Variants in FRMD6 observed in about 807,000 individuals in gnomAD.
The protein encoded by FRMD6 is FERM domain-containing protein 6.
Under a neutral mutation model 73.2 loss-of-function variants are expected in FRMD6, and 37 were observed. The ratio of observed to expected loss-of-function variants is 0.51; its 90% CI spans 0.39 to 0.66. The LOEUF is 0.66. FRMD6 is among the 30% of genes least tolerant of loss of function. FRMD6 has a pLI of 0.00. For synonymous variants in FRMD6, 273 were observed against 282.2 expected (o/e 0.97, Z 0.33); for missense variants, 714 against 780.5 (o/e 0.91, Z 1.02).
intron 1 of FRMD6, among the ~76,000 whole-genome samples, chr14:51,657,448 A>G (rs987316466): frequency 6.6e-6 from 1 of 152,166 alleles, no homozygotes; most frequent in Admixed American, 6.5e-5. Flanking sequence ...CTGTTTTTGG[A>G]CTGCATTTAA....
intron 2 of FRMD6, among the ~76,000 whole-genome samples, chr14:51,571,120 C>G (rs1407435405): frequency 6.6e-6 from 1 of 152,178 alleles, no homozygotes; most frequent in Admixed American, 6.5e-5. Flanking sequence ...TCATGACTAA[C>G]CCCAGCACTT....
intron 1 of FRMD6, among the ~76,000 whole-genome samples, chr14:51,546,989 T>C (rs1886508054): frequency 6.6e-6 from 1 of 151,850 alleles, no homozygotes; most frequent in Non-Finnish European, 1.5e-5. Context: ...CCTGGTATGA[T>C]CTCGGTGCCT....
At chr14:51,505,192 AC>A (rs1203494251) in intron 1 of FRMD6, among the ~76,000 whole-genome samples, 1 of 152,150 alleles carries the variant, frequency 6.6e-6, no homozygotes, top group Non-Finnish European at 1.5e-5. Flanking sequence ...AACTTTTCAC[AC>A]TATTTAGGAA....
chr14:51,640,922 C>T lies in FRMD6; in HGVS notation c.-146-48769C>T, dbSNP rs371188369. ...ATTTTCCATGGTAAGAGCTAATATC[C>T]ACTAACTTCTGGTTAAATTTTGGAG... is the stretch of plus-strand genomic sequence containing the variant. On this transcript the variant is annotated intron_variant, in intron 2 of 14. Coordinates refer to the FRMD6 transcript ENST00000356218. 7.2e-5 allele frequency among the ~76,000 whole-genome samples: 11 copies of T among 152,024 alleles called. No individual in the cohort carries two copies. In the East Asian group the frequency reaches 1.2e-3, roughly 16 times the overall value.
the FRMD6 span, among the ~76,000 whole-genome samples, chr14:51,399,201 C>T: frequency 2.0e-5 from 3 of 152,178 alleles, no homozygotes; most frequent in Non-Finnish European, 4.4e-5. Flanking sequence ...CCTCTTCTGC[C>T]TTCCTTAAAC....
In FRMD6 at chr14:51,698,127, CT is replaced by C. The variant is rs1485699731; in HGVS notation, c.100-10del. On this transcript the variant is annotated splice_polypyrimidine_tract_variant and intron_variant, in intron 2 of 13. Coordinates refer to ENST00000344768, the MANE Select transcript of FRMD6 (RefSeq NM_001267046.2). ...GTTGAATTGTTATTTTACGTCGTGCCTTTTTCCCCTACAGGTTAAGATTCTG... is the reference window on the plus strand; with the variant it reads ...GTTGAATTGTTATTTTACGTCGTGCCTTTTCCCCTACAGGTTAAGATTCTG... The C allele has an allele frequency of 1.9e-5, 31 of 1,601,150 alleles. No homozygotes were observed. Among genetic ancestry groups the C allele is most frequent in the Admixed American group, 3.4e-5 (2 of 59,338 alleles).
intron 1 of FRMD6, among the ~76,000 whole-genome samples, chr14:51,659,055 C>T (rs1893032704): frequency 6.6e-6 from 1 of 152,078 alleles, no homozygotes; most frequent in African/African-American, 2.4e-5. Context: ...TAGCGTAATC[C>T]GTATTGAAGA....
At chr14:51,459,902 T>TTTTTTTTTTTTTTTTTTTTTTG in the FRMD6 span, among the ~76,000 whole-genome samples, 1 of 141,874 alleles carries the variant, frequency 7.0e-6, no homozygotes, top group Admixed American at 7.0e-5. Flanking sequence ...TTTTTTTTTT[T>TTTTTTTTTTTTTTTTTTTTTTG]TTACAAACTT....
At chr14:51,509,380 A>C (rs1884157967) in intron 1 of FRMD6, among the ~76,000 whole-genome samples, 1 of 152,008 alleles carries the variant, frequency 6.6e-6, no homozygotes, top group Non-Finnish European at 1.5e-5. Context: ...AAAAAAATTT[A>C]GCCAGGCGTA....
chr14:51,501,364 T>TC (rs1197962532), intron 1 of FRMD6, among the ~76,000 whole-genome samples: 1 of 152,010 alleles, frequency 6.6e-6, no homozygotes, highest in Non-Finnish European at 1.5e-5. Flanking sequence ...ATGCTCTCCC[T>TC]CCCCCAACCA....
At chr14:51,397,127 G>A in the FRMD6 span, 1 of 152,318 alleles carries the variant, frequency 6.6e-6, no homozygotes, top group African/African-American at 2.4e-5. Flanking sequence ...TGATCTGCAA[G>A]AGGAGACTGG....
intron 1 of FRMD6, among the ~76,000 whole-genome samples, chr14:51,545,117 C>T (rs751454882): frequency 3.9e-5 from 6 of 152,058 alleles, no homozygotes; most frequent in East Asian, 1.9e-4. Context: ...TTTTTGTTAA[C>T]GTGCCCAGAC....
chr14:51,720,444 G>A (rs749960370), intron 11 of FRMD6, 54 bp downstream of exon 11: 3 of 1,548,562 alleles, frequency 1.9e-6, no homozygotes, highest in African/African-American at 2.7e-5. Context: ...GTTTTTTCAA[G>A]CATTGGTTCT....
At chr14:51,555,695 G>A (rs999171599) in intron 1 of FRMD6, among the ~76,000 whole-genome samples, 5 of 151,912 alleles carry the variant, frequency 3.3e-5, no homozygotes, top group Non-Finnish European at 5.9e-5. Flanking sequence ...CCAGCTACTC[G>A]GGAGGCTGAG....
At chr14:51,673,067 G>A (rs34860830) in intron 1 of FRMD6, among the ~76,000 whole-genome samples, 15,035 of 152,154 alleles carry the variant, frequency 0.099, 1,043 homozygotes, top group Non-Finnish European at 0.15. Context: ...CTATAGAGTT[G>A]GTTCAGGGCA....
At chr14:51,644,756 C>T (rs2140048321) in intron 2 of FRMD6, among the ~76,000 whole-genome samples, 2 of 152,232 alleles carry the variant, frequency 1.3e-5, no homozygotes, top group South Asian at 4.1e-4. Context: ...AACAGAAAAT[C>T]ACTAAAAATG....
intron 2 of FRMD6, among the ~76,000 whole-genome samples, chr14:51,642,829 A>G (rs1891871458): frequency 6.6e-6 from 1 of 152,236 alleles, no homozygotes; most frequent in Admixed American, 6.5e-5. Flanking sequence ...GACCTAGTAT[A>G]CAATACTTAA....
the FRMD6 span, among the ~76,000 whole-genome samples, chr14:51,399,875 A>G: frequency 8.5e-5 from 13 of 152,180 alleles, no homozygotes; most frequent in African/African-American, 2.9e-4. Context: ...CAGGCGAATA[A>G]GAAAGTGAGA....
At chr14:51,495,117 C>G (rs1566775896) in intron 1 of FRMD6, among the ~76,000 whole-genome samples, 2 of 152,206 alleles carry the variant, frequency 1.3e-5, no homozygotes, top group African/African-American at 4.8e-5. Context: ...AATTTCACTG[C>G]TCACAAGTTT....
Sources: allele counts gnomAD v4.1 joint callset (sites outside exome capture counted in the v4.1 genomes callset), GRCh38; gene constraint gnomAD v4.1.1; transcripts MANE v1.5; gene names NCBI Gene and HGNC (gene_info 2026-07-23, HGNC 2026-07-21).